The following TCAF1 variants were observed in gnomAD, a reference collection of about 807,000 sequenced individuals.
The protein encoded by TCAF1 is TRPM8 channel associated factor 1.
TCAF1 carries 4 observed loss-of-function variants against 27.3 expected under a neutral mutation model. The ratio of observed to expected loss-of-function variants is 0.15; its 90% CI spans 0.07 to 0.34. The LOEUF is 0.34. Among genes scored for constraint, TCAF1 ranks in the 10% least tolerant of loss-of-function variants. The pLI, the probability that TCAF1 is intolerant of heterozygous loss-of-function variation, is 1.00. For missense variants in TCAF1, 257 were observed against 425.8 expected (o/e 0.60, Z 3.49); for synonymous variants, 105 against 167.1 (o/e 0.63, Z 2.87).
intron 1 of TCAF1, among the ~76,000 whole-genome samples, chr7:143,883,827 A>G (rs1466871296): frequency 1.3e-5 from 2 of 152,018 alleles, no homozygotes; most frequent in Non-Finnish European, 2.9e-5. Context: ...TTCCTTTATG[A>G]TATCAGCTGA....
Position 143,853,868 on chromosome 7 carries a change from T to TG in TCAF1, c.*264dup. The TG allele has an allele frequency of 8.0e-5, 3 of 37,688 alleles. No individual in the cohort carries two copies. Among genetic ancestry groups the TG allele is most frequent in the Non-Finnish European group, 1.4e-4 (3 of 22,102 alleles). 2.3% of individuals were successfully genotyped at this position (37,688 alleles called of 1,614,324 possible). ...CTGCCTGTGTTCTGTGCATAAGAGTTGGGGGAGAGTAGGAGAGGGCTCAAT... is the reference window on the plus strand; with the variant it reads ...CTGCCTGTGTTCTGTGCATAAGAGTTGGGGGGAGAGTAGGAGAGGGCTCAAT... On this transcript the variant is annotated 3_prime_UTR_variant, in exon 9 of 9. Coordinates refer to ENST00000479870, the MANE Select transcript of TCAF1 (RefSeq NM_014719.3).
In TCAF1 at chr7:143,876,084, C is replaced by A; in HGVS notation, c.525G>T (p.Val175=). The A allele has an allele frequency of 6.2e-7, 1 of 1,613,422 alleles. No homozygotes were observed. Among genetic ancestry groups the A allele is most frequent in the South Asian group, 1.1e-5 (1 of 91,004 alleles). The change falls in exon 2 of 9, where the codon GTG becomes GTT. Residue 175 remains valine (V), a synonymous_variant. Coordinates refer to ENST00000479870, the MANE Select transcript of TCAF1 (RefSeq NM_014719.3). ...TAAAGTAAATGCCAGCCACACTGGT[C>A]ACGAGGTTCCCAGGGAACGTGAACA... The part of the protein sequence containing the change: ...RVLFTFPGNL[V]TSVAGIYFTD...
intron 1 of TCAF1, chr7:143,882,636 C>A: frequency 1.0e-6 from 1 of 983,950 alleles, no homozygotes; most frequent in Non-Finnish European, 1.2e-6. Context: ...CACCCCCGCC[C>A]CGGCCTCCCG....
At chr7:143,881,017 A>G (rs530601078) in intron 1 of TCAF1, among the ~76,000 whole-genome samples, 7 of 152,300 alleles carry the variant, frequency 4.6e-5, no homozygotes, top group African/African-American at 9.6e-5. Flanking sequence ...TCCAAAGCAG[A>G]AAGTATTGAA....
chr7:143,882,572 C>T (rs1813121827), intron 1 of TCAF1: 19 of 985,246 alleles, frequency 1.9e-5, no homozygotes, highest in Non-Finnish European at 2.3e-5. Context: ...TCTCTGTCCC[C>T]GATGATTTCT....
chr7:143,897,420 A>G (rs1240050561), intron 1 of TCAF1, among the ~76,000 whole-genome samples: 2 of 151,692 alleles, frequency 1.3e-5, no homozygotes, highest in Non-Finnish European at 2.9e-5. Flanking sequence ...TTCTCTAGTT[A>G]AGAATATAAT....
chr7:143,881,294 G>A (rs1311689077), intron 1 of TCAF1, among the ~76,000 whole-genome samples: 2 of 152,158 alleles, frequency 1.3e-5, no homozygotes, highest in East Asian at 1.9e-4. Context: ...ACAGATGAGG[G>A]TATAAGGGTA....
At chr7:143,860,005 T>TATATTATATATATA (rs1811900723) in intron 6 of TCAF1, among the ~76,000 whole-genome samples, 8 of 46,826 alleles carry the variant, frequency 1.7e-4, no homozygotes, top group African/African-American at 6.8e-4. Context: ...TTATATAATA[T>TATATTATATATATA]ATATATAATA....
chr7:143,887,898 AAT>A (rs1813486032), intron 1 of TCAF1, among the ~76,000 whole-genome samples: 2 of 152,224 alleles, frequency 1.3e-5, no homozygotes, highest in Non-Finnish European at 2.9e-5. Flanking sequence ...AGGTGAAACT[AAT>A]ATTTGATATT....
rs1268008277 is a variant in TCAF1, at chr7:143,851,638, A to C, written c.*2495T>G. 1.3e-5 allele frequency: 2 copies of C among 152,212 alleles called. No homozygotes were observed. Among genetic ancestry groups the C allele is most frequent in the African/African-American group, 4.8e-5 (2 of 41,420 alleles). The allele number at this position is 152,212 out of a possible 1,614,324, so 9.4% of individuals were successfully genotyped here. A position where few individuals can be genotyped will look rare whatever the true frequency, so the allele number is the denominator to read the frequency against. ...AACATCTTTAATAATTCCCCATTAC[A>C]AAAGATAAGGATTTAACTTACACTA... is the stretch of plus-strand genomic sequence containing the variant. On this transcript the variant is annotated 3_prime_UTR_variant, in exon 9 of 9. Transcript: ENST00000479870.
At position 143,876,581 on chromosome 7, in the gene TCAF1, C is replaced by A. The variant is rs1371799429; in HGVS notation, c.28G>T (p.Ala10Ser). 8.6e-6 allele frequency: 13 copies of A among 1,515,686 alleles called. No individual in the cohort carries two copies. The highest frequency in any genetic ancestry group is 1.1e-5 in the Non-Finnish European group (13 of 1,135,090). 93.9% of individuals were successfully genotyped at this position (1,515,686 alleles called of 1,614,324 possible). MATPSAAFEALMNGVTSWDV... is the reference protein window; with the variant it reads MATPSAAFESLMNGVTSWDV... The stretch of plus-strand genomic sequence containing the variant: ...CAGCTTGTCACACCATTCATAAGGG[C>A]CTCGAAGGCAGCAGAGGGAGTCGCC... The change falls in exon 2 of 9, where the codon GCC becomes TCC. Residue 10 changes from alanine to serine, a missense_variant. Physicochemically the swap from Ala to Ser is moderately conservative, Grantham distance 99. This residue lies in a region of TCAF1 where 255 missense variants were observed against 260.1 expected (regional missense o/e 0.98). Coordinates refer to ENST00000479870, the MANE Select transcript of TCAF1 (RefSeq NM_014719.3).
intron 1 of TCAF1, among the ~76,000 whole-genome samples, chr7:143,888,109 A>T (rs559115024): frequency 6.6e-6 from 1 of 152,354 alleles, no homozygotes; most frequent in Admixed American, 6.5e-5. Context: ...TAACTTTAAT[A>T]AGGTGTTAAA....
chr7:143,885,182 CCCGAAA>C, intron 1 of TCAF1: 1 of 985,476 alleles, frequency 1.0e-6, no homozygotes, highest in Non-Finnish European at 1.2e-6. Context: ...TGGTCTGGTC[CCCGAAA>C]CCAGCTTTGG....
intron 1 of TCAF1, among the ~76,000 whole-genome samples, chr7:143,894,861 ACACT>A (rs1031829665): frequency 1.2e-4 from 18 of 151,728 alleles, no homozygotes; most frequent in African/African-American, 4.1e-4. Context: ...ATAATTTAAC[ACACT>A]CACAAAATTA....
At chr7:143,859,878 T>TACACAC (rs1563210756) in intron 6 of TCAF1, among the ~76,000 whole-genome samples, 1 of 32,726 alleles carries the variant, frequency 3.1e-5, no homozygotes, top group African/African-American at 8.4e-5. Flanking sequence ...TATACATATA[T>TACACAC]ACATATATAT....
rs1341951433 is a variant in TCAF1, at chr7:143,887,842, CAA to C, written c.-14-11222_-14-11221del. Among the ~76,000 whole-genome samples, 8 of 152,198 alleles carry C rather than the reference CAA, an allele frequency of 5.3e-5. No individual in the cohort carries two copies. The East Asian group carries it at 7.7e-4, about 15-fold the overall frequency. ...ATACTGTAGTGAACTAAGCCAGAAA[CAA>C]GAGAGTACATACTATATTGTTATAT... On this transcript the variant is annotated intron_variant, in intron 1 of 8. Transcript: ENST00000479870.
intron 2 of TCAF1, among the ~76,000 whole-genome samples, chr7:143,874,486 C>T (rs1412449690): frequency 1.8e-5 from 2 of 113,798 alleles, no homozygotes; most frequent in Non-Finnish European, 3.6e-5. Context: ...ATTCAGGTTT[C>T]GTGAGGGTAT....
rs1563212159 is a variant in TCAF1 at position 143,860,020 on chromosome 7, T to TATAA, written c.2167+187_2167+188insTTAT. 1.1e-3 allele frequency among the ~76,000 whole-genome samples: 15 copies of TATAA among 13,752 alleles called. 2 individuals are homozygous for TATAA. The highest frequency in any genetic ancestry group is 2.8e-3 in the Non-Finnish European group (15 of 5,302). The allele number at this position is 13,752 out of a possible 152,430, so 9.0% of individuals were successfully genotyped here. On this transcript the variant is annotated intron_variant, in intron 6 of 8. Coordinates refer to ENST00000479870, the MANE Select transcript of TCAF1 (RefSeq NM_014719.3). ...TTATATAATATATATATAATATATA[T>TATAA]TATATATTATATATATAATATATAA...
At chr7:143,876,669 C>T (rs1289952359) in intron 1 of TCAF1, 47 bp from the exon 2 acceptor site, 2 of 1,419,016 alleles carry the variant, frequency 1.4e-6, no homozygotes, top group East Asian at 4.8e-5. Context: ...AATGGATAAA[C>T]AAAGAAACAA....
Sources: allele counts gnomAD v4.1 joint callset (sites outside exome capture counted in the v4.1 genomes callset), GRCh38; gene constraint gnomAD v4.1.1; regional missense constraint gnomAD v4.1.1; transcripts MANE v1.5; gene names NCBI Gene and HGNC (gene_info 2026-07-23, HGNC 2026-07-21).